Variants in SFPQ observed in about 807,000 individuals in gnomAD.
SFPQ encodes splicing factor, proline- and glutamine-rich.
A neutral mutation model predicts 72.9 loss-of-function variants in SFPQ; 11 were observed. The ratio of observed to expected loss-of-function variants is 0.15; its 90% CI spans 0.09 to 0.25. The LOEUF is 0.25. Among genes scored for constraint, SFPQ ranks in the 10% least tolerant of loss-of-function variants. The pLI is 1.00. For synonymous variants in SFPQ, 506 were observed against 367.3 expected, an observed-to-expected ratio of 1.38 and a Z score of -4.32; for missense variants, 847 against 993.3, an observed-to-expected ratio of 0.85 and a Z score of 1.98.
intron 6 of SFPQ, 81 bp from the exon 7 acceptor site, chr1:35,188,171 C>CTAAGAACTAGG: frequency 9.4e-7 from 1 of 1,065,376 alleles, no homozygotes. Flanking sequence ...AGCAGTTGAC[C>CTAAGAACTAGG]TAAGAACTAG....
intron 6 of SFPQ, among the ~76,000 whole-genome samples, chr1:35,188,462 C>A (rs555235910): frequency 6.6e-6 from 1 of 152,164 alleles, no homozygotes; most frequent in East Asian, 1.9e-4. Flanking sequence ...CTTTAGGAGG[C>A]CAGGAGTTTG....
At chr1:35,180,597 T>C, downstream of SFPQ, 1 of 1,049,300 alleles carries the variant, frequency 9.5e-7, no homozygotes, top group South Asian at 4.6e-5. Flanking sequence ...AACAATGGTG[T>C]TTTCATGAAG....
intron 9 of SFPQ, among the ~76,000 whole-genome samples, chr1:35,186,241 C>G (rs1486595649): frequency 2.0e-5 from 3 of 152,172 alleles, no homozygotes; most frequent in South Asian, 2.1e-4. Context: ...TCTCTAAACC[C>G]ACCAAAATTC....
rs746458273 is a variant in SFPQ at position 35,192,816 on chromosome 1, CGGTGGCTGCTGCGGT to C, written c.219_233del (p.Gln80_Pro84del). On this transcript the variant is annotated inframe_deletion, in exon 1 of 10. Transcript: ENST00000357214. ...GCTGATGCGGTGGCGGCTGCTGCGGCGGTGGCTGCTGCGGTGGTGGCTGTTGCTGCTGTTGGTGTG... is the reference window on the plus strand; with the variant it reads ...GCTGATGCGGTGGCGGCTGCTGCGGCGGTGGCTGTTGCTGCTGTTGGTGTG... 73 of 1,504,876 alleles carry C rather than the reference CGGTGGCTGCTGCGGT, an allele frequency of 4.9e-5. No homozygotes were observed. The highest frequency in any genetic ancestry group is 1.8e-4 in the East Asian group (7 of 37,980). 93.2% of individuals were successfully genotyped at this position (1,504,876 alleles called of 1,614,324 possible). A position where few individuals can be genotyped will look rare whatever the true frequency, so the allele number is the denominator to read the frequency against.
chr1:35,190,444 A>AT (rs1639942314), intron 4 of SFPQ, 54 bp downstream of exon 4: 31 of 1,268,652 alleles, frequency 2.4e-5, no homozygotes, highest in South Asian at 9.0e-5. Flanking sequence ...ACTAAAATAA[A>AT]TTTAACCTTT....
chr1:35,187,830 C>T (rs1639798123), intron 7 of SFPQ, 143 bp downstream of exon 7: 2 of 653,080 alleles, frequency 3.1e-6, no homozygotes, highest in East Asian at 2.5e-5. Flanking sequence ...CTGACCCATA[C>T]AAGGAAATCA....
chr1:35,189,283 C>T lies in SFPQ; in HGVS notation c.1515G>A (p.Arg505=). 2 of 1,613,664 alleles carry T rather than the reference C, an allele frequency of 1.2e-6. No homozygotes were observed. Among genetic ancestry groups the T allele is most frequent in the Non-Finnish European group, 1.7e-6 (2 of 1,179,688 alleles). The part of the protein sequence containing the change: ...KSLDEMEKQQ[R]EQVEKNMKDA... Reference sequence around the variant, plus strand: ...CTTTCATGTTTTTTTCAACTTGTTCCCTTTGCTGTTTTTCCATTTCATCCA... The same window carrying T: ...CTTTCATGTTTTTTTCAACTTGTTCTCTTTGCTGTTTTTCCATTTCATCCA... The change falls in exon 5 of 10, where the codon AGG becomes AGA. Residue 505 remains arginine (R), a synonymous_variant. Coordinates refer to ENST00000357214, the MANE Select transcript of SFPQ (RefSeq NM_005066.3).
intron 7 of SFPQ, among the ~76,000 whole-genome samples, chr1:35,187,469 G>A (rs933551834): frequency 3.9e-5 from 6 of 152,138 alleles, no homozygotes; most frequent in Admixed American, 6.5e-5. Flanking sequence ...AGTGGCTCAC[G>A]CCTGTAATCA....
chr1:35,190,577 T>C lies in SFPQ; in HGVS notation c.1336A>G (p.Ile446Val), dbSNP rs1029020942. The C allele has an allele frequency of 6.2e-7, 1 of 1,613,646 alleles. No individual in the cohort carries two copies. The highest frequency in any genetic ancestry group is 8.5e-7 in the Non-Finnish European group (1 of 1,179,820). ...FLLTTTPRPV[I>V]VEPLEQLDDE... The stretch of plus-strand genomic sequence containing the variant: ...TCTAGTTGTTCAAGTGGTTCCACAA[T>C]GACTGGACGAGGAGTTCTAATAACA... Residue 446 changes from isoleucine (I) to valine (V), a missense_variant, in exon 4 of 10, where the codon ATT (isoleucine) becomes GTT (valine). Ile to Val is a conservative substitution (Grantham distance 29). Coordinates refer to ENST00000357214, the MANE Select transcript of SFPQ (RefSeq NM_005066.3).
At chr1:35,179,457 CA>C, downstream of SFPQ, 10 of 1,055,708 alleles carry the variant, frequency 9.5e-6, no homozygotes, top group Non-Finnish European at 1.0e-5. Flanking sequence ...CCTCTGAACC[CA>C]AGACTGTTCT....
In SFPQ at chr1:35,184,367, T is replaced by C. The variant is rs936755746; in HGVS notation, c.*89A>G. 2.2e-4 allele frequency: 341 copies of C among 1,566,072 alleles called. 2 individuals are homozygous for C. The Admixed American group carries it at 7.0e-3, about 32-fold the overall frequency. On this transcript the variant is annotated 3_prime_UTR_variant, in exon 10 of 10. Transcript: ENST00000357214. The stretch of plus-strand genomic sequence containing the variant: ...TAAACTGCTAACATCCATAAAAAGA[T>C]AGCTTTCTTACTAAAATGCAAGAAT...
At chr1:35,181,018 C>T (rs947814632), downstream of SFPQ, 1 of 1,065,076 alleles carries the variant, frequency 9.4e-7, no homozygotes, top group Non-Finnish European at 1.1e-6. Context: ...GCTAGCTTTA[C>T]CATACAAGTG....
intron 5 of SFPQ, among the ~76,000 whole-genome samples, chr1:35,176,806 G>A (rs985401963): frequency 4.0e-5 from 6 of 151,698 alleles, no homozygotes; most frequent in African/African-American, 1.5e-4. Flanking sequence ...CCCAGGAGGC[G>A]GAGCTTGCGG....
chr1:35,181,205 C>T (rs1418985559), downstream of SFPQ: 1 of 1,065,390 alleles, frequency 9.4e-7, no homozygotes, highest in African/African-American at 1.6e-5. Flanking sequence ...TGTCCATTGC[C>T]ATTTGCGGTA....
chr1:35,179,456 C>G, downstream of SFPQ: 3 of 1,055,970 alleles, frequency 2.8e-6, no homozygotes, highest in Non-Finnish European at 3.4e-6. Flanking sequence ...ACCTCTGAAC[C>G]CAAGACTGTT....
In SFPQ at chr1:35,189,094, A is replaced by G. The variant is rs565385506; in HGVS notation, c.1613-7T>C. On this transcript the variant is annotated splice_polypyrimidine_tract_variant and splice_region_variant and intron_variant, in intron 5 of 9. Transcript: ENST00000357214. Reference sequence around the variant, plus strand: ...TCCTGTCGTCTCATCAGATCTGAACATTGGAAAATATTTGGATTCACATTA... The same window carrying G: ...TCCTGTCGTCTCATCAGATCTGAACGTTGGAAAATATTTGGATTCACATTA... The G allele has an allele frequency of 6.2e-6, 10 of 1,613,372 alleles. No homozygotes were observed. In the East Asian group the frequency reaches 1.3e-4, roughly 22 times the overall value.
rs752818235 is a variant in SFPQ, at chr1:35,192,941, C to T, written c.109G>A (p.Gly37Ser). 4 of 1,542,256 alleles carry T rather than the reference C, an allele frequency of 2.6e-6. No homozygotes were observed. The highest frequency in any genetic ancestry group is 1.1e-5 in the South Asian group (1 of 89,048). The stretch of plus-strand genomic sequence containing the variant: ...CCGCGATTCTGATTGAGGCCCATGC[C>T]GGGCGGCGGAGAACGGAAGTCGTGG... ...GLHDFRSPPP[G>S]MGLNQNRGPM... is the part of the protein sequence containing the mutation. Residue 37 changes from glycine (G) to serine (S), a missense_variant, in exon 1 of 10, where the codon GGC (glycine) becomes AGC (serine). By Grantham distance (56) the Gly-to-Ser change is moderately conservative (BLOSUM62 0). Around this residue, in one of 6 missense-constraint regions of SFPQ, gnomAD observed 498 missense variants for 405.1 expected, o/e 1.23. Transcript: ENST00000357214.
At position 35,192,823 on chromosome 1, in the gene SFPQ, T is replaced by C; in HGVS notation, c.227A>G (p.Gln76Arg). Residue 76 changes from glutamine (Q) to arginine (R), a missense_variant, in exon 1 of 10, where the codon CAG becomes CGG. Physicochemically the swap from Gln to Arg is conservative, Grantham distance 43 (BLOSUM62 1). Around this residue, in one of 6 missense-constraint regions of SFPQ, gnomAD observed 498 missense variants for 405.1 expected, o/e 1.23. Coordinates refer to ENST00000357214, the MANE Select transcript of SFPQ (RefSeq NM_005066.3). Reference sequence around the variant, plus strand: ...CGGTGGCGGCTGCTGCGGCGGTGGCTGCTGCGGTGGTGGCTGTTGCTGCTG... The same window carrying C: ...CGGTGGCGGCTGCTGCGGCGGTGGCCGCTGCGGTGGTGGCTGTTGCTGCTG... ...HQQQQQPPPQQPPPQQPPPHQ... is the reference protein window; with the variant it reads ...HQQQQQPPPQRPPPQQPPPHQ... The C allele has an allele frequency of 2.0e-6, 3 of 1,512,148 alleles. No homozygotes were observed. Among genetic ancestry groups the C allele is most frequent in the Non-Finnish European group, 2.6e-6 (3 of 1,136,858 alleles). The allele number at this position is 1,512,148 out of a possible 1,614,324, so 93.7% of individuals were successfully genotyped here. A position where few individuals can be genotyped will look rare whatever the true frequency, so the allele number is the denominator to read the frequency against.
chr1:35,182,933 G>A (rs1281420327), downstream of SFPQ: 1 of 1,044,942 alleles, frequency 9.6e-7, no homozygotes, highest in Non-Finnish European at 1.2e-6. Flanking sequence ...ACAACACCAT[G>A]GAAACATTCC....
Sources: gnomAD v4.1 joint callset for allele counts (sites outside exome capture counted in the v4.1 genomes callset) on GRCh38, gnomAD v4.1.1 for gene constraint, gnomAD v4.1.1 regional missense constraint, MANE v1.5 for transcripts, NCBI Gene and HGNC (gene_info 2026-07-23, HGNC 2026-07-21) for gene names.